TMEM177: variants seen among roughly 807,000 people sequenced by gnomAD.
TMEM177 encodes transmembrane protein 177.
Under a neutral mutation model 14.2 loss-of-function variants are expected in TMEM177, and 4 were observed. That is an observed-to-expected ratio of 0.28 (90% CI 0.14 to 0.64). TMEM177 has a LOEUF of 0.64. Ranked by LOEUF, TMEM177 falls within the 30% of genes least tolerant of loss-of-function variation. The pLI is 0.82. For synonymous variants in TMEM177, 179 were observed against 174.5 expected, an observed-to-expected ratio of 1.03 and a Z score of -0.20; for missense variants, 344 against 405.2, an observed-to-expected ratio of 0.85 and a Z score of 1.30.
chr2:119,686,024 T>C, downstream of TMEM177: 1 of 278,614 alleles, frequency 3.6e-6, no homozygotes, highest in South Asian at 7.5e-5. Flanking sequence ...CATGGAGCTC[T>C]AGGAGGCACC....
chr2:119,704,179 A>AT, the TMEM177 span, among the ~76,000 whole-genome samples: 83 of 152,272 alleles, frequency 5.5e-4, no homozygotes, highest in Non-Finnish European at 1.2e-4. Context: ...TAATGTCTCC[A>AT]TGGAAGAGGA....
chr2:119,721,620 G>A, the TMEM177 span, among the ~76,000 whole-genome samples: 1 of 152,142 alleles, frequency 6.6e-6, no homozygotes, highest in Non-Finnish European at 1.5e-5. Flanking sequence ...AGTCTTGTAG[G>A]GGACCGTGCC....
chr2:119,702,926 C>T, the TMEM177 span, among the ~76,000 whole-genome samples: 1 of 152,230 alleles, frequency 6.6e-6, no homozygotes, highest in Non-Finnish European at 1.5e-5. Flanking sequence ...GGTACCAGAG[C>T]CTGGGTGCAT....
the TMEM177 span, among the ~76,000 whole-genome samples, chr2:119,717,631 CAG>C: frequency 2.6e-5 from 2 of 77,142 alleles, no homozygotes; most frequent in Non-Finnish European, 5.1e-5. Context: ...TTTTTTGAGA[CAG>C]AGTCTTGCTC....
chr2:119,703,122 T>C, the TMEM177 span, among the ~76,000 whole-genome samples: 2 of 152,246 alleles, frequency 1.3e-5, no homozygotes, highest in Admixed American at 6.5e-5. Context: ...CTCCTCGCTT[T>C]ACTAGCCTGC....
the TMEM177 span, among the ~76,000 whole-genome samples, chr2:119,708,813 C>T: frequency 6.6e-6 from 1 of 151,776 alleles, no homozygotes; most frequent in Admixed American, 6.6e-5. Context: ...TTCTCTGGAC[C>T]CCTAGAGACT....
At chr2:119,714,689 T>C in the TMEM177 span, among the ~76,000 whole-genome samples, 3 of 152,192 alleles carry the variant, frequency 2.0e-5, no homozygotes, top group African/African-American at 7.2e-5. Flanking sequence ...CAGGCAGAGT[T>C]GGCAGGCTAT....
At chr2:119,692,014 C>A in the TMEM177 span, among the ~76,000 whole-genome samples, 1 of 152,230 alleles carries the variant, frequency 6.6e-6, no homozygotes. Flanking sequence ...ACCGATGTCA[C>A]AGGTGCAAAG....
the TMEM177 span, among the ~76,000 whole-genome samples, chr2:119,698,183 TG>T: frequency 6.6e-6 from 1 of 152,330 alleles, no homozygotes; most frequent in East Asian, 1.9e-4. Context: ...AAAGTCTGCC[TG>T]GGTGTGGTAG....
rs1688918680 is a variant in TMEM177 at position 119,681,972 on chromosome 2, C to T, written c.*183C>T. ...AACTCAGGGACTATGAGGGACTATT[C>T]AGGGGCTATGAATCTGAGCCTTTGT... On this transcript the variant is annotated 3_prime_UTR_variant, in exon 2 of 2. Transcript: ENST00000272521. 1.6e-6 allele frequency: 1 copy of T among 606,170 alleles called. No homozygotes were observed. The highest frequency in any genetic ancestry group is 3.0e-6 in the Non-Finnish European group (1 of 338,542). 37.5% of individuals were successfully genotyped at this position (606,170 alleles called of 1,614,324 possible). A position where few individuals can be genotyped will look rare whatever the true frequency, so the allele number is the denominator to read the frequency against.
the TMEM177 span, among the ~76,000 whole-genome samples, chr2:119,723,188 G>A: frequency 2.6e-5 from 4 of 152,106 alleles, no homozygotes; most frequent in Admixed American, 6.5e-5. Flanking sequence ...AAAAGCCATC[G>A]AAGACACGTC....
At chr2:119,708,640 C>T in the TMEM177 span, among the ~76,000 whole-genome samples, 39 of 134,746 alleles carry the variant, frequency 2.9e-4, no homozygotes, top group South Asian at 3.2e-3. Flanking sequence ...GACAATCACA[C>T]GCAGACACAC....
intron 1 of TMEM177, among the ~76,000 whole-genome samples, chr2:119,680,408 G>T (rs1490976932): frequency 6.6e-6 from 1 of 152,074 alleles, no homozygotes; most frequent in Non-Finnish European, 1.5e-5. Context: ...CATATAGTAA[G>T]CACTCAATAA....
At chr2:119,687,900 C>G (rs1244237620), downstream of TMEM177, among the ~76,000 whole-genome samples, 2 of 152,148 alleles carry the variant, frequency 1.3e-5, no homozygotes, top group Non-Finnish European at 2.9e-5. Flanking sequence ...TTTTGGAAAG[C>G]AATTTGGCAA....
the TMEM177 span, among the ~76,000 whole-genome samples, chr2:119,695,613 C>T: frequency 0.038 from 5,786 of 152,306 alleles, 392 homozygotes; most frequent in African/African-American, 0.13. Context: ...GCTGAGAATC[C>T]AACCCAAAAG....
chr2:119,697,673 CT>C, the TMEM177 span, among the ~76,000 whole-genome samples: 1 of 152,248 alleles, frequency 6.6e-6, no homozygotes. Context: ...CACCCCTCCC[CT>C]CTGTCTGTGC....
the TMEM177 span, among the ~76,000 whole-genome samples, chr2:119,704,742 C>T: frequency 2.6e-5 from 4 of 152,172 alleles, no homozygotes; most frequent in Non-Finnish European, 5.9e-5. Context: ...GCCAAAAACC[C>T]AGCTTAGAAT....
chr2:119,698,856 G>C, the TMEM177 span: 1 of 152,412 alleles, frequency 6.6e-6, no homozygotes, highest in African/African-American at 2.4e-5. Context: ...AATTAGCCAG[G>C]CGTGGTGGTG....
At chr2:119,703,808 C>A in the TMEM177 span, among the ~76,000 whole-genome samples, 1 of 152,310 alleles carries the variant, frequency 6.6e-6, no homozygotes, top group East Asian at 1.9e-4. Context: ...TCCAGGACTG[C>A]AGCTTCCACT....
Sources: allele counts gnomAD v4.1 joint callset (sites outside exome capture counted in the v4.1 genomes callset), GRCh38; gene constraint gnomAD v4.1.1; transcripts MANE v1.5; gene names NCBI Gene and HGNC (gene_info 2026-07-23, HGNC 2026-07-21).